The following FUT8 variants were observed in gnomAD, a reference collection of about 807,000 sequenced individuals.
FUT8 encodes the protein alpha-(1,6)-fucosyltransferase.
Under a neutral mutation model 71.3 loss-of-function variants are expected in FUT8, and 29 were observed. The ratio of observed to expected loss-of-function variants is 0.41; its 90% CI spans 0.30 to 0.55. The LOEUF (loss-of-function observed/expected upper bound fraction) is 0.55, where lower values mean the gene tolerates loss of function less well. Ranked by LOEUF, FUT8 falls within the 20% of genes least tolerant of loss-of-function variation. FUT8 has a pLI of 0.34. For synonymous variants in FUT8, 254 were observed against 239.3 expected, an observed-to-expected ratio of 1.06 and a Z score of -0.57; for missense variants, 544 against 702.1, an observed-to-expected ratio of 0.77 and a Z score of 2.55.
At chr14:65,538,766 A>G (rs1182175116) in intron 2 of FUT8, among the ~76,000 whole-genome samples, 1 of 151,984 alleles carries the variant, frequency 6.6e-6, no homozygotes, top group Non-Finnish European at 1.5e-5. Context: ...CTAAAAATAC[A>G]AAAGTTAAGT....
At chr14:65,407,032 T>A (rs367958933), upstream of FUT8, among the ~76,000 whole-genome samples, 2 of 152,138 alleles carry the variant, frequency 1.3e-5, no homozygotes, top group African/African-American at 4.8e-5. Flanking sequence ...AGCACTTAGG[T>A]TCCCGCTGTA....
At chr14:65,409,309 T>C (rs968882795), upstream of FUT8, among the ~76,000 whole-genome samples, 1 of 152,224 alleles carries the variant, frequency 6.6e-6, no homozygotes, top group Non-Finnish European at 1.5e-5. The surrounding 1 kb of genome is among the most constrained non-coding windows in gnomAD (Gnocchi z 5.4). Context: ...TACACGTTGG[T>C]AGAGATAGAA....
intron 7 of FUT8, among the ~76,000 whole-genome samples, chr14:65,691,621 A>ATTTATTTC (rs532611759): frequency 6.6e-6 from 1 of 152,014 alleles, no homozygotes; most frequent in African/African-American, 2.4e-5. Context: ...TTATTTATTT[A>ATTTATTTC]TTGATCATTC....
intron 2 of FUT8, among the ~76,000 whole-genome samples, chr14:65,542,337 C>A (rs139158310): frequency 3.7e-4 from 56 of 152,282 alleles, no homozygotes; most frequent in Non-Finnish European, 8.1e-4. Flanking sequence ...CCTGTACTTT[C>A]CAAGATCTTA....
intron 5 of FUT8, among the ~76,000 whole-genome samples, chr14:65,626,723 T>A (rs942256088): frequency 6.6e-6 from 1 of 152,246 alleles, no homozygotes; most frequent in African/African-American, 2.4e-5. Flanking sequence ...TACATCAGTT[T>A]TCTCTAAGTA....
At chr14:65,470,650 G>C (rs1261185471) in intron 2 of FUT8, among the ~76,000 whole-genome samples, 1 of 152,164 alleles carries the variant, frequency 6.6e-6, no homozygotes, top group Non-Finnish European at 1.5e-5. Context: ...AGGCTCAGCA[G>C]TCGCCTGATG....
chr14:65,727,451 T>C (rs952410382), intron 9 of FUT8, among the ~76,000 whole-genome samples: 1 of 152,214 alleles, frequency 6.6e-6, no homozygotes, highest in Non-Finnish European at 1.5e-5. Context: ...CTGCCAAGGC[T>C]TGGGGCTTCC....
chr14:65,693,041 G>C (rs1255424248), intron 7 of FUT8, among the ~76,000 whole-genome samples: 1 of 150,948 alleles, frequency 6.6e-6, no homozygotes, highest in East Asian at 2.0e-4. Context: ...CCAGGCAGAG[G>C]GGCTCCTCAC....
chr14:65,434,575 A>G (rs1473954533), intron 1 of FUT8, among the ~76,000 whole-genome samples: 1 of 152,248 alleles, frequency 6.6e-6, no homozygotes, highest in Non-Finnish European at 1.5e-5. Flanking sequence ...AGAAAAGGCA[A>G]TAGTAGACAC....
intron 9 of FUT8, among the ~76,000 whole-genome samples, chr14:65,730,586 G>T (rs1004551088): frequency 1.3e-5 from 2 of 152,086 alleles, no homozygotes; most frequent in African/African-American, 4.8e-5. Context: ...GGCAGGAGAT[G>T]ATGTGAACCC....
At position 65,721,945 on chromosome 14, in the gene FUT8, A is replaced by G; in HGVS notation, c.1006A>G (p.Ile336Val). The G allele has an allele frequency of 6.2e-7, 1 of 1,614,200 alleles. No individual in the cohort carries two copies. Among genetic ancestry groups the G allele is most frequent in the Non-Finnish European group, 8.5e-7 (1 of 1,180,040 alleles). The change falls in exon 8 of 11, where the codon ATC becomes GTC. Residue 336 changes from isoleucine (I) to valine (V), a missense_variant. Transcript: ENST00000673929. ...GGTGTCTCAGTTTGTCAAATACTTGATCCGCCCACAGCCTTGGCTAGAAAA... is the reference window on the plus strand; with the variant it reads ...GGTGTCTCAGTTTGTCAAATACTTGGTCCGCCCACAGCCTTGGCTAGAAAA... ...WWVSQFVKYL[I>V]RPQPWLEKEI...
At chr14:65,617,100 G>A in intron 5 of FUT8, 1 of 1,594,300 alleles carries the variant, frequency 6.3e-7, no homozygotes, top group Non-Finnish European at 8.5e-7. Flanking sequence ...GATTCTGATG[G>A]CAATTACTGT....
intron 1 of FUT8, among the ~76,000 whole-genome samples, chr14:65,414,415 T>C (rs1331858140): frequency 6.6e-6 from 1 of 152,250 alleles, no homozygotes; most frequent in African/African-American, 2.4e-5. Context: ...ATTTAAGCAC[T>C]ACAGTATATC....
chr14:65,727,448 G>A (rs1467766569), intron 9 of FUT8, among the ~76,000 whole-genome samples: 1 of 152,182 alleles, frequency 6.6e-6, no homozygotes, highest in Admixed American at 6.5e-5. Flanking sequence ...AAGCTGCCAA[G>A]GCTTGGGGCT....
upstream of FUT8, chr14:65,412,046 TC>T (rs1278449861): frequency 6.6e-6 from 3 of 456,702 alleles, no homozygotes; most frequent in Admixed American, 7.0e-5. Context: ...CTGTTCTCTT[TC>T]CCGTACTAAA....
intron 2 of FUT8, among the ~76,000 whole-genome samples, chr14:65,456,068 C>A (rs947135470): frequency 1.3e-5 from 2 of 152,170 alleles, no homozygotes; most frequent in Non-Finnish European, 2.9e-5. Context: ...TTAAACATTT[C>A]TGACATTTTT....
intron 7 of FUT8, among the ~76,000 whole-genome samples, chr14:65,712,572 G>A (rs1471161645): frequency 1.3e-5 from 2 of 152,032 alleles, no homozygotes; most frequent in Non-Finnish European, 2.9e-5. Context: ...AGCCTCCTGA[G>A]TAGCTGGGAT....
intron 2 of FUT8, among the ~76,000 whole-genome samples, chr14:65,498,136 C>T (rs1453128813): frequency 6.6e-6 from 1 of 152,108 alleles, no homozygotes; most frequent in Non-Finnish European, 1.5e-5. Context: ...TAGATTTTAT[C>T]TGTCTATTCT....
chr14:65,543,034 G>C (rs899167293), intron 2 of FUT8, among the ~76,000 whole-genome samples: 1 of 152,016 alleles, frequency 6.6e-6, no homozygotes, highest in African/African-American at 2.4e-5. Flanking sequence ...TGCCCGCCTC[G>C]ACCTCCCAAA....
Sources: allele counts gnomAD v4.1 joint callset (sites outside exome capture counted in the v4.1 genomes callset), GRCh38; gene constraint gnomAD v4.1.1; non-coding constraint Gnocchi (gnomAD v3.1); transcripts MANE v1.5; gene names NCBI Gene and HGNC (gene_info 2026-07-23, HGNC 2026-07-21).